Variants in HERC3 observed in about 807,000 individuals in gnomAD.
HERC3 encodes HECT and RLD domain containing E3 ubiquitin protein ligase 3, also known as probable E3 ubiquitin-protein ligase HERC3.
A neutral mutation model predicts 129.9 loss-of-function variants in HERC3; 58 were observed. That is an observed-to-expected ratio of 0.45 (90% confidence interval 0.36 to 0.56). HERC3 has a LOEUF of 0.56. Ranked by LOEUF, HERC3 falls within the 20% of genes least tolerant of loss-of-function variation. The pLI is 0.00. For missense variants in HERC3, 835 were observed against 1,244.2 expected, an observed-to-expected ratio of 0.67 and a Z score of 4.95; for synonymous variants, 430 against 451.0, an observed-to-expected ratio of 0.95 and a Z score of 0.59.
rs527791311 is a variant in HERC3 at position 88,638,854 on chromosome 4, C to T, written c.227-10986C>T. 2.0e-5 allele frequency among the ~76,000 whole-genome samples: 3 copies of T among 152,280 alleles called. No individual in the cohort carries two copies. In the South Asian group the frequency reaches 6.2e-4, roughly 32 times the overall value. Reference sequence around the variant, plus strand: ...TATTTAGAAAACGCCATCATCTCAGCCCAAAAATGCCTTGAGCCGATAAGC... The same window carrying T: ...TATTTAGAAAACGCCATCATCTCAGTCCAAAAATGCCTTGAGCCGATAAGC... On this transcript the variant is annotated intron_variant, in intron 3 of 25. Transcript: ENST00000402738.
chr4:88,698,044 C>G (rs566740971), intron 23 of HERC3, among the ~76,000 whole-genome samples: 49 of 152,134 alleles, frequency 3.2e-4, no homozygotes, highest in Non-Finnish European at 6.5e-4. Flanking sequence ...CACCCATGTA[C>G]CCACCCCTGT....
At chr4:88,665,044 A>G (rs1730897244) in intron 12 of HERC3, among the ~76,000 whole-genome samples, 2 of 152,340 alleles carry the variant, frequency 1.3e-5, no homozygotes, top group South Asian at 2.1e-4. Context: ...TGAGATCTCA[A>G]GATGAATTAG....
intron 2 of HERC3, among the ~76,000 whole-genome samples, chr4:88,599,477 C>A (rs554037632): frequency 6.6e-6 from 1 of 151,926 alleles, no homozygotes; most frequent in Non-Finnish European, 1.5e-5. Flanking sequence ...TTTTTATTAT[C>A]TTTTTTCATA....
At chr4:88,572,816 A>ATAAT in the HERC3 span, among the ~76,000 whole-genome samples, 5 of 149,882 alleles carry the variant, frequency 3.3e-5, no homozygotes, top group African/African-American at 4.9e-5. Flanking sequence ...AAAAAAAAAA[A>ATAAT]AATAATAATA....
the HERC3 span, among the ~76,000 whole-genome samples, chr4:88,559,597 T>G: frequency 6.6e-6 from 1 of 152,230 alleles, no homozygotes; most frequent in South Asian, 2.1e-4. Context: ...CTCATCCACG[T>G]TTTAACAAAT....
At chr4:88,702,634 T>G (rs1234055008) in intron 23 of HERC3, among the ~76,000 whole-genome samples, 2 of 152,230 alleles carry the variant, frequency 1.3e-5, no homozygotes, top group East Asian at 3.8e-4. Context: ...ATGTTCATAT[T>G]AATGGATGTT....
chr4:88,583,060 C>A, the HERC3 span, among the ~76,000 whole-genome samples: 1 of 152,086 alleles, frequency 6.6e-6, no homozygotes, highest in Non-Finnish European at 1.5e-5. Context: ...TACAGAACTT[C>A]CAGAGGGAAA....
chr4:88,636,852 C>T (rs942443904), intron 3 of HERC3, among the ~76,000 whole-genome samples: 1 of 152,206 alleles, frequency 6.6e-6, no homozygotes, highest in Non-Finnish European at 1.5e-5. Flanking sequence ...AACCACACAA[C>T]TGGCCAGGTG....
At chr4:88,558,219 A>T in the HERC3 span, among the ~76,000 whole-genome samples, 1 of 152,156 alleles carries the variant, frequency 6.6e-6, no homozygotes, top group Non-Finnish European at 1.5e-5. Context: ...ATAGCAGCAC[A>T]ATTAGCCATT....
At chr4:88,629,403 C>G (rs1327693196) in intron 3 of HERC3, among the ~76,000 whole-genome samples, 1 of 152,184 alleles carries the variant, frequency 6.6e-6, no homozygotes, top group Non-Finnish European at 1.5e-5. Flanking sequence ...TACTTTTCCA[C>G]TTACTATCTC....
chr4:88,539,739 G>GCTGTTCTGCAATATTTC, the HERC3 span, among the ~76,000 whole-genome samples: 22 of 152,302 alleles, frequency 1.4e-4, no homozygotes, highest in African/African-American at 5.3e-4. Flanking sequence ...AGCAATATTT[G>GCTGTTCTGCAATATTTC]CTGTTCTGCA....
intron 23 of HERC3, among the ~76,000 whole-genome samples, chr4:88,702,534 T>C (rs1735411948): frequency 6.6e-6 from 1 of 152,226 alleles, no homozygotes; most frequent in African/African-American, 2.4e-5. Context: ...GAGATTCTAT[T>C]CATTTTGCTA....
chr4:88,528,095 C>G, the HERC3 span: 40 of 275,638 alleles, frequency 1.5e-4, no homozygotes, highest in African/African-American at 8.4e-4. Context: ...TATGTGCAAT[C>G]CAGGTGGTGA....
chr4:88,654,387 T>TATATATATAC (rs1321614619), intron 7 of HERC3, among the ~76,000 whole-genome samples: 25 of 94,300 alleles, frequency 2.7e-4, no homozygotes, highest in Non-Finnish European at 4.2e-4. Context: ...TATATATATA[T>TATATATATAC]ACACACACAC....
At chr4:88,614,720 A>G (rs1040619592) in intron 3 of HERC3, among the ~76,000 whole-genome samples, 6 of 151,952 alleles carry the variant, frequency 3.9e-5, no homozygotes, top group Non-Finnish European at 8.8e-5. Context: ...ATTTTCTTGA[A>G]TTATTTACTT....
chr4:88,706,392 C>T (rs79066056), intron 25 of HERC3, among the ~76,000 whole-genome samples: 1,844 of 152,162 alleles, frequency 0.012, 12 homozygotes, highest in Middle Eastern at 0.051. Context: ...AATGGAATTC[C>T]GTAGACAAGG....
At chr4:88,627,424 G>C (rs1417200874) in intron 3 of HERC3, among the ~76,000 whole-genome samples, 2 of 152,064 alleles carry the variant, frequency 1.3e-5, no homozygotes, top group African/African-American at 4.8e-5. Context: ...AAGTAATTTA[G>C]AGATTATTTG....
chr4:88,599,573 A>G (rs1176370148), intron 2 of HERC3, among the ~76,000 whole-genome samples: 1 of 152,214 alleles, frequency 6.6e-6, no homozygotes, highest in African/African-American at 2.4e-5. Context: ...CCCAGAACTC[A>G]GATGACTCTC....
rs1732348079 is a variant in HERC3, at chr4:88,677,959, TC to T, written c.2026-3del. On this transcript the variant is annotated splice_region_variant and splice_polypyrimidine_tract_variant and intron_variant, in intron 18 of 25. Coordinates refer to ENST00000402738, the MANE Select transcript of HERC3 (RefSeq NM_014606.3). ...GTAATTGCTTTCTTGACTGTGCCATTCCAGGTGGCAGTCAATGGAGCCAACC... is the reference window on the plus strand; with the variant it reads ...GTAATTGCTTTCTTGACTGTGCCATTCAGGTGGCAGTCAATGGAGCCAACC... The T allele has an allele frequency of 6.2e-7, 1 of 1,610,514 alleles. No individual in the cohort carries two copies. The highest frequency in any genetic ancestry group is 1.3e-5 in the African/African-American group (1 of 74,896).
Sources: gnomAD v4.1 joint callset for allele counts (sites outside exome capture counted in the v4.1 genomes callset) on GRCh38, gnomAD v4.1.1 for gene constraint, MANE v1.5 for transcripts, NCBI Gene and HGNC (gene_info 2026-07-23, HGNC 2026-07-21) for gene names.